The following PARD3 variants were observed in gnomAD, a reference collection of about 807,000 sequenced individuals.
PARD3 encodes the protein par-3 family cell polarity regulator.
Under a neutral mutation model 155.4 loss-of-function variants are expected in PARD3, and 75 were observed. The observed-to-expected ratio is 0.48, with a 90% CI of 0.40 to 0.58. The LOEUF (loss-of-function observed/expected upper bound fraction) is 0.58. PARD3 is among the 20% of genes least tolerant of loss of function. The pLI, the probability that PARD3 is intolerant of heterozygous loss-of-function variation, is 0.00. For synonymous variants in PARD3, 576 were observed against 610.5 expected (o/e 0.94, Z 0.83); for missense variants, 1,642 against 1,721.7 (o/e 0.95, Z 0.82).
intron 20 of PARD3, among the ~76,000 whole-genome samples, chr10:34,311,589 C>G (rs541722380): frequency 7.2e-5 from 11 of 152,292 alleles, no homozygotes; most frequent in African/African-American, 2.6e-4. Context: ...CAGACTCTTT[C>G]CAGAAACATT....
intron 1 of PARD3, among the ~76,000 whole-genome samples, chr10:34,733,884 A>C (rs987231065): frequency 3.3e-5 from 5 of 152,168 alleles, no homozygotes; most frequent in African/African-American, 1.2e-4. Flanking sequence ...TCCTAATATA[A>C]AGCTAACACC....
At chr10:34,280,975 G>A (rs1171169929) in intron 21 of PARD3, among the ~76,000 whole-genome samples, 1 of 152,270 alleles carries the variant, frequency 6.6e-6, no homozygotes, top group East Asian at 1.9e-4. Flanking sequence ...CTCTGCTGCT[G>A]AACACTGGGC....
rs182992336 is a variant in PARD3 at position 34,461,051 on chromosome 10, T to C, written c.582+9034A>G. On this transcript the variant is annotated intron_variant, in intron 4 of 24. Coordinates refer to ENST00000374788, the MANE Select transcript of PARD3 (RefSeq NM_001184785.2). ...AGGTAAAATAGATGGAAACCACTTC[T>C]ACTACCAAATTTCGAGAAACACTGA... Among the ~76,000 whole-genome samples, 1,180 of 152,272 alleles carry C rather than the reference T, an allele frequency of 7.7e-3. 18 individuals are homozygous for C. Among genetic ancestry groups the C allele is most frequent in the African/African-American group, 0.027 (1,136 of 41,548 alleles).
chr10:34,491,571 T>A (rs1451656007), intron 3 of PARD3, among the ~76,000 whole-genome samples: 1 of 152,234 alleles, frequency 6.6e-6, no homozygotes, highest in East Asian at 1.9e-4. Flanking sequence ...AGCATTTTTT[T>A]ATTAAAGTGC....
chr10:34,233,309 T>C (rs1436602426), intron 22 of PARD3, among the ~76,000 whole-genome samples: 2 of 152,000 alleles, frequency 1.3e-5, no homozygotes, highest in Non-Finnish European at 2.9e-5. Flanking sequence ...ATTTCTATTA[T>C]TCCTGCTACC....
intron 3 of PARD3, among the ~76,000 whole-genome samples, chr10:34,503,661 G>A (rs1248353201): frequency 6.6e-6 from 1 of 152,246 alleles, no homozygotes; most frequent in Non-Finnish European, 1.5e-5. Flanking sequence ...ACAGGCTGCT[G>A]TGATGGCTAT....
intron 2 of PARD3, among the ~76,000 whole-genome samples, chr10:34,673,681 C>A (rs1447652631): frequency 6.6e-6 from 1 of 152,188 alleles, no homozygotes; most frequent in Non-Finnish European, 1.5e-5. Flanking sequence ...ATACAAGTAT[C>A]CACACATATA....
At chr10:34,506,390 G>A (rs188957257) in intron 3 of PARD3, among the ~76,000 whole-genome samples, 8 of 152,226 alleles carry the variant, frequency 5.3e-5, no homozygotes, top group Admixed American at 2.6e-4. Context: ...GGTGAACTGG[G>A]AAGTTTCCTA....
intron 9 of PARD3, among the ~76,000 whole-genome samples, chr10:34,378,973 A>C (rs1841547176): frequency 6.6e-6 from 1 of 152,212 alleles, no homozygotes; most frequent in Admixed American, 6.5e-5. Flanking sequence ...ACACGTGCCC[A>C]GGAAAAACTG....
chr10:34,803,930 T>C (rs1210121113), intron 1 of PARD3, among the ~76,000 whole-genome samples: 6 of 152,218 alleles, frequency 3.9e-5, no homozygotes. Flanking sequence ...ATTTATTTCA[T>C]ATTCCTCAAC....
At chr10:34,372,199 A>C (rs541295952) in intron 12 of PARD3, among the ~76,000 whole-genome samples, 1 of 152,066 alleles carries the variant, frequency 6.6e-6, no homozygotes, top group East Asian at 1.9e-4. Flanking sequence ...TTCACAACTC[A>C]TGAAATACTT....
At chr10:34,328,455 C>T (rs1835275150) in intron 19 of PARD3, among the ~76,000 whole-genome samples, 1 of 152,074 alleles carries the variant, frequency 6.6e-6, no homozygotes, top group Admixed American at 6.5e-5. Context: ...TAAGCCAGAA[C>T]TTTTACAACT....
intron 1 of PARD3, among the ~76,000 whole-genome samples, chr10:34,716,592 T>C (rs1281270461): frequency 4.2e-5 from 6 of 141,316 alleles, no homozygotes; most frequent in South Asian, 2.4e-4. Flanking sequence ...TTTCTTTTTT[T>C]TTTTTTTTTT....
rs1298907711 is a variant in PARD3, at chr10:34,227,819, A to AATATAT, written c.3419+41832_3419+41837dup. Among the ~76,000 whole-genome samples, 6 of 130,780 alleles carry AATATAT rather than the reference A, an allele frequency of 4.6e-5. No individual in the cohort carries two copies. The South Asian group carries it at 7.0e-4, about 15-fold the overall frequency. 85.8% of individuals were successfully genotyped at this position (130,780 alleles called of 152,430 possible). On this transcript the variant is annotated intron_variant, in intron 22 of 24. Coordinates refer to ENST00000374788, the MANE Select transcript of PARD3 (RefSeq NM_001184785.2). ...TCAACTCAGCAATCCCATTACTGGG[A>AATATAT]ATATATATATATATTCCCAGTAATG...
chr10:34,117,121 G>A (rs144928056), intron 24 of PARD3, among the ~76,000 whole-genome samples: 8 of 152,194 alleles, frequency 5.3e-5, no homozygotes, highest in East Asian at 1.9e-4. Context: ...TTCCCGGCCC[G>A]CCCACCGCTC....
intron 22 of PARD3, among the ~76,000 whole-genome samples, chr10:34,198,121 G>A (rs957375667): frequency 6.6e-6 from 1 of 152,224 alleles, no homozygotes; most frequent in Non-Finnish European, 1.5e-5. Context: ...AATGATAACA[G>A]CAAGATTCAG....
At chr10:34,397,741 T>A (rs1325465813) in intron 7 of PARD3, among the ~76,000 whole-genome samples, 1 of 152,204 alleles carries the variant, frequency 6.6e-6, no homozygotes, top group African/African-American at 2.4e-5. Flanking sequence ...GAAAATATAG[T>A]AACATGTAAT....
chr10:34,129,267 C>T (rs1254968234), intron 23 of PARD3, among the ~76,000 whole-genome samples: 2 of 152,294 alleles, frequency 1.3e-5, no homozygotes, highest in Middle Eastern at 3.4e-3. Context: ...ATTCTTCTGC[C>T]TCAGCCTCCC....
intron 12 of PARD3, among the ~76,000 whole-genome samples, chr10:34,364,308 T>C (rs1281700056): frequency 1.3e-5 from 2 of 152,200 alleles, no homozygotes; most frequent in African/African-American, 2.4e-5. Context: ...CATAAAATTA[T>C]AGGAGTGAGC....
Sources: allele counts gnomAD v4.1 joint callset (sites outside exome capture counted in the v4.1 genomes callset), GRCh38; gene constraint gnomAD v4.1.1; transcripts MANE v1.5; gene names NCBI Gene and HGNC (gene_info 2026-07-23, HGNC 2026-07-21).